Variants in SPART observed in about 807,000 individuals in gnomAD.
SPART encodes the protein spartin.
A neutral mutation model predicts 58.7 loss-of-function variants in SPART; 35 were observed. The observed-to-expected ratio is 0.60, with a 90% CI of 0.46 to 0.79. SPART has a LOEUF of 0.79. SPART is among the 30% of genes least tolerant of loss of function. The pLI, the probability that SPART is intolerant of heterozygous loss-of-function variation, is 0.00. For missense variants in SPART, 730 were observed against 786.1 expected (o/e 0.93, Z 0.85); for synonymous variants, 284 against 280.7 (o/e 1.01, Z -0.12).
At position 36,335,569 on chromosome 13, in the gene SPART, C is replaced by T; in HGVS notation, c.262G>A (p.Val88Ile). The change falls in exon 2 of 9, where the codon GTA (valine) becomes ATA (isoleucine). Residue 88 changes from valine to isoleucine, a missense_variant. By Grantham distance (29) the Val-to-Ile change is conservative. Transcript: ENST00000438666. ...TCTAGAATTTCCAGCCTGGTGCGTACATTCTGTAGAGTTTCTTTCATTTTC... is the reference window on the plus strand; with the variant it reads ...TCTAGAATTTCCAGCCTGGTGCGTATATTCTGTAGAGTTTCTTTCATTTTC... ...QQKMKETLQNVRTRLEILEKG... is the reference protein window; with the variant it reads ...QQKMKETLQNIRTRLEILEKG... 1 of 1,613,980 alleles carries T rather than the reference C, an allele frequency of 6.2e-7. No homozygotes were observed. The highest frequency in any genetic ancestry group is 1.3e-5 in the African/African-American group (1 of 74,978).
chr13:36,306,351 CA>C (rs1195815670), intron 8 of SPART, among the ~76,000 whole-genome samples: 2 of 151,838 alleles, frequency 1.3e-5, no homozygotes, highest in Admixed American at 6.6e-5. Flanking sequence ...TGTGTCTATA[CA>C]AAAAGAAAGG....
intron 1 of SPART, among the ~76,000 whole-genome samples, chr13:36,342,160 C>A (rs550824893): frequency 6.6e-6 from 1 of 152,316 alleles, no homozygotes; most frequent in East Asian, 1.9e-4. Context: ...ACTATCCCCA[C>A]GCATCATTTA....
chr13:36,322,299 T>C (rs1422493879), intron 5 of SPART, among the ~76,000 whole-genome samples: 1 of 152,122 alleles, frequency 6.6e-6, no homozygotes, highest in Non-Finnish European at 1.5e-5. Context: ...ATACAAAAAT[T>C]AGCTGGGTGT....
chr13:36,333,555 T>C (rs1799425961), intron 2 of SPART, among the ~76,000 whole-genome samples: 1 of 152,072 alleles, frequency 6.6e-6, no homozygotes, highest in Non-Finnish European at 1.5e-5. Context: ...AAATTAAATT[T>C]TGGGTGCAAT....
Position 36,317,427 on chromosome 13 carries a change from A to C in SPART, c.1289-3006T>G, listed in dbSNP as rs575094407. Among the ~76,000 whole-genome samples the C allele has an allele frequency of 4.5e-3, 685 of 150,834 alleles. 3 individuals carry two copies. The highest frequency in any genetic ancestry group is 0.016 in the African/African-American group (643 of 41,012). ...CCCAATCCCTTATTTCCGTGCCCCAACCTCTTATATCTCTGTGCCCCAATC... is the reference window on the plus strand; with the variant it reads ...CCCAATCCCTTATTTCCGTGCCCCACCCTCTTATATCTCTGTGCCCCAATC... On this transcript the variant is annotated intron_variant, in intron 5 of 8. Coordinates refer to ENST00000438666, the MANE Select transcript of SPART (RefSeq NM_015087.5).
rs886050131 is a variant in SPART at position 36,302,109 on chromosome 13, C to T, written c.*2256G>A. On this transcript the variant is annotated 3_prime_UTR_variant, in exon 9 of 9. Coordinates refer to ENST00000438666, the MANE Select transcript of SPART (RefSeq NM_015087.5). ...AATGGCAAGGAACAATAAAAAATGA[C>T]ATGGGGAAAGAGGTAAGAAAATAGG... The T allele has an allele frequency of 1.3e-5, 2 of 151,966 alleles. No individual in the cohort carries two copies. Among genetic ancestry groups the T allele is most frequent in the East Asian group, 3.9e-4 (2 of 5,184 alleles). The allele number at this position is 151,966 out of a possible 1,614,324, so 9.4% of individuals were successfully genotyped here.
At chr13:36,361,186 C>T (rs1185699612) in intron 1 of SPART, among the ~76,000 whole-genome samples, 1 of 152,080 alleles carries the variant, frequency 6.6e-6, no homozygotes, top group East Asian at 1.9e-4. Flanking sequence ...AAATGCATGC[C>T]ATCTGTATTA....
intron 2 of SPART, among the ~76,000 whole-genome samples, chr13:36,332,300 C>T (rs1290136278): frequency 6.6e-6 from 1 of 152,158 alleles, no homozygotes; most frequent in Non-Finnish European, 1.5e-5. Flanking sequence ...AGTTCAAGAC[C>T]TGCCTGGACA....
At chr13:36,312,081 C>A in intron 8 of SPART, 64 bp downstream of exon 8, 1 of 1,499,326 alleles carries the variant, frequency 6.7e-7, no homozygotes, top group South Asian at 1.1e-5. Flanking sequence ...GAGAAACTCC[C>A]TCTCAGAAAA....
At chr13:36,348,472 T>TA (rs1885281316), upstream of SPART, among the ~76,000 whole-genome samples, 1 of 152,224 alleles carries the variant, frequency 6.6e-6, no homozygotes, top group African/African-American at 2.4e-5. Flanking sequence ...CTAAAGAATT[T>TA]ACTACAACAC....
intron 1 of SPART, chr13:36,336,323 A>G (rs1489847893): frequency 6.5e-6 from 1 of 154,762 alleles, no homozygotes; most frequent in Non-Finnish European, 1.4e-5. Context: ...TACCCCACAC[A>G]GCCCTGTTGC....
upstream of SPART, chr13:36,346,570 G>C (rs928375490): frequency 4.6e-5 from 7 of 152,480 alleles, no homozygotes; most frequent in African/African-American, 1.7e-4. Context: ...ACTAGGTTCT[G>C]CCCACTCTGA....
chr13:36,320,094 C>T (rs9575911), intron 5 of SPART, among the ~76,000 whole-genome samples: 36,354 of 151,878 alleles, frequency 0.24, 4,811 homozygotes, highest in East Asian at 0.51. Flanking sequence ...CTGCGTGCAG[C>T]GGCTGCTGCT....
chr13:36,304,302 G>T lies in SPART; in HGVS notation c.*63C>A. The T allele has an allele frequency of 6.3e-7, 1 of 1,583,230 alleles. No individual in the cohort carries two copies. Among genetic ancestry groups the T allele is most frequent in the Non-Finnish European group, 8.7e-7 (1 of 1,153,308 alleles). The stretch of plus-strand genomic sequence containing the variant: ...TTAATCTGTGAGGAATTCCACATTT[G>T]CCTATTTAACAAAATTTCATCCATT... On this transcript the variant is annotated 3_prime_UTR_variant, in exon 9 of 9. Transcript: ENST00000438666.
At position 36,303,263 on chromosome 13, in the gene SPART, C is replaced by A. The variant is rs1880163362; in HGVS notation, c.*1102G>T. The A allele has an allele frequency of 6.6e-6, 1 of 152,036 alleles. No homozygotes were observed. Among genetic ancestry groups the A allele is most frequent in the Admixed American group, 6.6e-5 (1 of 15,260 alleles). The allele number at this position is 152,036 out of a possible 1,614,324, so 9.4% of individuals were successfully genotyped here. ...TGGACTACAGCTATGAAAACTAATA[C>A]CAATCTCTTAAATTCAATAAACAAA... On this transcript the variant is annotated 3_prime_UTR_variant, in exon 9 of 9. Coordinates refer to ENST00000438666, the MANE Select transcript of SPART (RefSeq NM_015087.5).
At chr13:36,355,474 C>T (rs2137702954) in intron 1 of SPART, among the ~76,000 whole-genome samples, 1 of 152,208 alleles carries the variant, frequency 6.6e-6, no homozygotes, top group East Asian at 1.9e-4. Flanking sequence ...TCAGTGAGGC[C>T]TGGAAAGGGA....
chr13:36,342,852 G>A (rs1410217155), intron 1 of SPART, among the ~76,000 whole-genome samples: 1 of 152,142 alleles, frequency 6.6e-6, no homozygotes, highest in African/African-American at 2.4e-5. Flanking sequence ...TGATCTGCCT[G>A]AGAATATGCC....
rs1261753457 is a variant in SPART at position 36,335,218 on chromosome 13, G to T, written c.613C>A (p.His205Asn). Reference sequence around the variant, plus strand: ...GTCTCAAGAGGCGGTGGCTGAGAATGATTCCTATAAAACTCCTCTCCAACT... The same window carrying T: ...GTCTCAAGAGGCGGTGGCTGAGAATTATTCCTATAAAACTCCTCTCCAACT... The part of the protein sequence containing the change: ...SSVGEEFYRN[H>N]SQPPPLETLG... Residue 205 changes from histidine to asparagine, a missense_variant, in exon 2 of 9, where the codon CAT becomes AAT. His to Asn is a moderately conservative substitution (Grantham distance 68, BLOSUM62 1). Transcript: ENST00000438666. The T allele has an allele frequency of 6.2e-7, 1 of 1,614,090 alleles. No individual in the cohort carries two copies. The highest frequency in any genetic ancestry group is 1.1e-5 in the South Asian group (1 of 91,086).
At chr13:36,325,741 A>T (rs1882864050) in intron 5 of SPART, among the ~76,000 whole-genome samples, 1 of 152,212 alleles carries the variant, frequency 6.6e-6, no homozygotes, top group Non-Finnish European at 1.5e-5. Flanking sequence ...CCATAATTAA[A>T]CAGCAGAGAC....
Sources: allele counts gnomAD v4.1 joint callset (sites outside exome capture counted in the v4.1 genomes callset), GRCh38; gene constraint gnomAD v4.1.1; transcripts MANE v1.5; gene names NCBI Gene and HGNC (gene_info 2026-07-23, HGNC 2026-07-21).